The following CNTN4 variants were observed in gnomAD, a reference collection of about 807,000 sequenced individuals.
The protein encoded by CNTN4 is contactin-4.
A neutral mutation model predicts 122.5 loss-of-function variants in CNTN4; 77 were observed. The ratio of observed to expected loss-of-function variants is 0.63; its 90% CI spans 0.52 to 0.76. The LOEUF (loss-of-function observed/expected upper bound fraction) is 0.76, where lower values mean the gene tolerates loss of function less well. Among genes scored for constraint, CNTN4 ranks in the 30% least tolerant of loss-of-function variants. The pLI, the probability that CNTN4 is intolerant of heterozygous loss-of-function variation, is 0.00. For synonymous variants in CNTN4, 512 were observed against 447.0 expected (o/e 1.15, Z -1.83); for missense variants, 1,256 against 1,259.1 (o/e 1.00, Z 0.04).
At chr3:2,698,524 G>A (rs982773637) in intron 4 of CNTN4, among the ~76,000 whole-genome samples, 2 of 152,182 alleles carry the variant, frequency 1.3e-5, no homozygotes, top group East Asian at 3.8e-4. Flanking sequence ...GCTGTTCTCT[G>A]TGGTGATTAA....
At chr3:2,700,933 C>T (rs73005967) in intron 4 of CNTN4, among the ~76,000 whole-genome samples, 374 of 152,256 alleles carry the variant, frequency 2.5e-3, no homozygotes, top group Non-Finnish European at 4.2e-3. Flanking sequence ...TTATTTTTCT[C>T]TTTTTGTTTT....
intron 2 of CNTN4, among the ~76,000 whole-genome samples, chr3:2,214,452 T>G (rs550035831): frequency 5.9e-5 from 9 of 152,290 alleles, no homozygotes; most frequent in Admixed American, 3.9e-4. Context: ...TGTCTGTCAT[T>G]TTCTTTTCTT....
intron 6 of CNTN4, among the ~76,000 whole-genome samples, chr3:2,808,469 A>G (rs1346224245): frequency 1.3e-5 from 2 of 152,160 alleles, no homozygotes; most frequent in East Asian, 1.9e-4. Flanking sequence ...ATGAAGAATC[A>G]TATTTCTTTC....
intron 3 of CNTN4, among the ~76,000 whole-genome samples, chr3:2,375,660 T>G (rs574916574): frequency 3.3e-5 from 5 of 152,358 alleles, no homozygotes; most frequent in African/African-American, 1.2e-4. Context: ...TGCCCTATTC[T>G]GAACATCTCT....
chr3:2,178,565 G>A lies in CNTN4; in HGVS notation c.-145+77926G>A, dbSNP rs1032312021. Among the ~76,000 whole-genome samples, 55 of 152,072 alleles carry A rather than the reference G, an allele frequency of 3.6e-4. 1 individual carries two copies. The highest frequency in any genetic ancestry group is 1.3e-3 in the African/African-American group (52 of 41,508). Reference sequence around the variant, plus strand: ...ATCAATGATTAAATATTTATTTGAGGGTCAATGTTCAAGTATGACAATGTA... The same window carrying A: ...ATCAATGATTAAATATTTATTTGAGAGTCAATGTTCAAGTATGACAATGTA... On this transcript the variant is annotated intron_variant, in intron 2 of 24. Transcript: ENST00000418658.
chr3:2,161,889 C>G (rs2035980581), intron 2 of CNTN4, among the ~76,000 whole-genome samples: 1 of 152,146 alleles, frequency 6.6e-6, no homozygotes, highest in African/African-American at 2.4e-5. Flanking sequence ...CTTAGGTCAA[C>G]TCAATTAATC....
At chr3:2,347,703 C>T (rs193237440) in intron 3 of CNTN4, among the ~76,000 whole-genome samples, 104 of 151,902 alleles carry the variant, frequency 6.8e-4, no homozygotes, top group African/African-American at 2.3e-3. Context: ...AGCCACCATG[C>T]CTGGCCAGGA....
chr3:2,752,327 C>G (rs1022582803), intron 6 of CNTN4, among the ~76,000 whole-genome samples: 2 of 152,180 alleles, frequency 1.3e-5, no homozygotes, highest in Non-Finnish European at 2.9e-5. Context: ...GCAAAATTCT[C>G]TCTTCTGAAA....
chr3:2,645,085 TG>T (rs1354627882), intron 4 of CNTN4, among the ~76,000 whole-genome samples: 1 of 151,998 alleles, frequency 6.6e-6, no homozygotes, highest in Non-Finnish European at 1.5e-5. Flanking sequence ...TAACGAAGAC[TG>T]GCACACCTTA....
Position 2,571,575 on chromosome 3 carries a change from A to G in CNTN4, c.55+17A>G. The G allele has an allele frequency of 6.3e-7, 1 of 1,598,452 alleles. No individual in the cohort carries two copies. The highest frequency in any genetic ancestry group is 8.6e-7 in the Non-Finnish European group (1 of 1,165,852). ...GCCTTGCAGGTAGAGTGTCATTTTA[A>G]AACTTTTTGATTTAGAAATGCCACT... On this transcript the variant is annotated intron_variant, in intron 4 of 24. Transcript: ENST00000418658.
intron 7 of CNTN4, among the ~76,000 whole-genome samples, chr3:2,829,361 G>T (rs559858876): frequency 6.6e-6 from 1 of 152,270 alleles, no homozygotes; most frequent in South Asian, 2.1e-4. Context: ...GGAGTGTTTC[G>T]TGTTTAGGAG....
At chr3:2,870,727 G>C (rs1290139911) in intron 8 of CNTN4, among the ~76,000 whole-genome samples, 3 of 152,216 alleles carry the variant, frequency 2.0e-5, no homozygotes, top group Admixed American at 6.5e-5. Flanking sequence ...TGAAGCCTGA[G>C]CTGAACTAAT....
intron 3 of CNTN4, among the ~76,000 whole-genome samples, chr3:2,413,319 T>A (rs527966510): frequency 7.2e-5 from 11 of 152,352 alleles, no homozygotes; most frequent in African/African-American, 2.4e-4. Flanking sequence ...CTCAATCACT[T>A]ATTTTCAGAA....
chr3:2,314,766 A>C (rs1256156411), intron 2 of CNTN4, among the ~76,000 whole-genome samples: 1 of 151,996 alleles, frequency 6.6e-6, no homozygotes, highest in Non-Finnish European at 1.5e-5. Context: ...AAATTTGCAA[A>C]TCTTAAACGG....
chr3:2,964,890 T>C (rs1692144721), intron 13 of CNTN4, among the ~76,000 whole-genome samples: 1 of 152,162 alleles, frequency 6.6e-6, no homozygotes, highest in Non-Finnish European at 1.5e-5. Flanking sequence ...ACATCATCTG[T>C]CTGGACCACA....
At position 2,107,181 on chromosome 3, in the gene CNTN4, G is replaced by A. The variant is rs552848428; in HGVS notation, c.-145+6542G>A. Among the ~76,000 whole-genome samples, 41 of 152,222 alleles carry A rather than the reference G, an allele frequency of 2.7e-4. 4 individuals carry two copies. In the South Asian group the frequency reaches 8.5e-3, roughly 32 times the overall value. On this transcript the variant is annotated intron_variant, in intron 2 of 24. Coordinates refer to ENST00000418658, the MANE Select transcript of CNTN4 (RefSeq NM_175607.3). ...CCTCCAAACTGTTCCAGCTCTATCTGTTACCCAATTACAAAGTTGCTTCCA... is the reference window on the plus strand; with the variant it reads ...CCTCCAAACTGTTCCAGCTCTATCTATTACCCAATTACAAAGTTGCTTCCA...
intron 3 of CNTN4, among the ~76,000 whole-genome samples, chr3:2,499,501 ATTACATACCAAT>A (rs751400494): frequency 2.7e-4 from 41 of 152,262 alleles, no homozygotes; most frequent in Non-Finnish European, 5.6e-4. Context: ...TGGGGTGTGA[ATTACATACCAAT>A]AAAACTGTTA....
Position 2,895,295 on chromosome 3 carries a change from A to G in CNTN4, c.941-5390A>G, listed in dbSNP as rs559996195. 3.3e-5 allele frequency among the ~76,000 whole-genome samples: 5 copies of G among 152,346 alleles called. No individual in the cohort carries two copies. The South Asian group carries it at 8.3e-4, about 25-fold the overall frequency. On this transcript the variant is annotated intron_variant, in intron 10 of 24. Coordinates refer to ENST00000418658, the MANE Select transcript of CNTN4 (RefSeq NM_175607.3). Reference sequence around the variant, plus strand: ...CTGGTCAGATGGCAGAAGACTTTCAATATTAACCTAAAGATATGAAATAAT... The same window carrying G: ...CTGGTCAGATGGCAGAAGACTTTCAGTATTAACCTAAAGATATGAAATAAT...
At chr3:2,146,568 C>T (rs1269671925) in intron 2 of CNTN4, among the ~76,000 whole-genome samples, 1 of 152,038 alleles carries the variant, frequency 6.6e-6, no homozygotes, top group Non-Finnish European at 1.5e-5. Flanking sequence ...TGATATTTTA[C>T]ATTTTATCCC....
Sources: gnomAD v4.1 joint callset for allele counts (sites outside exome capture counted in the v4.1 genomes callset) on GRCh38, gnomAD v4.1.1 for gene constraint, MANE v1.5 for transcripts, NCBI Gene and HGNC (gene_info 2026-07-23, HGNC 2026-07-21) for gene names.